The following GDF10 variants were observed in gnomAD, a reference collection of about 807,000 sequenced individuals.
The protein encoded by GDF10 is growth differentiation factor 10, also known as growth/differentiation factor 10.
GDF10 carries 23 observed loss-of-function variants against 32.1 expected under a neutral mutation model. That is an observed-to-expected ratio of 0.72 (90% confidence interval 0.52 to 1.02). GDF10 has a LOEUF of 1.02. Among genes scored for constraint, GDF10 ranks in the 50% least tolerant of loss-of-function variants. GDF10 has a pLI of 0.00. For missense variants in GDF10, 764 were observed against 673.9 expected, an observed-to-expected ratio of 1.13 and a Z score of -1.48; for synonymous variants, 328 against 303.1, an observed-to-expected ratio of 1.08 and a Z score of -0.85.
At position 47,310,572 on chromosome 10, in the gene GDF10, C is replaced by G; in HGVS notation, c.1096C>G (p.Arg366Gly). The change falls in exon 2 of 3, where the codon CGG becomes GGG. Residue 366 changes from arginine (R) to glycine (G), a missense_variant. Physicochemically the swap from Arg to Gly is moderately radical, Grantham distance 125 (BLOSUM62 -2). Transcript: ENST00000580279. ...TGACGAGAAGACGATGCAGAAAGCC[C>G]GGAGGAAGCAGTGGGATGAGCCGAG... ...DFDEKTMQKA[R>G]RKQWDEPRVC... is the part of the protein sequence containing the mutation. The G allele has an allele frequency of 6.2e-7, 1 of 1,614,194 alleles. No individual in the cohort carries two copies. The highest frequency in any genetic ancestry group is 1.1e-5 in the South Asian group (1 of 91,082).
chr10:47,311,306 A>C (rs2061045270), intron 2 of GDF10, among the ~76,000 whole-genome samples: 1 of 152,238 alleles, frequency 6.6e-6, no homozygotes, highest in Non-Finnish European at 1.5e-5. Flanking sequence ...CACCAGCCTA[A>C]GGATTTCCAG....
chr10:47,300,353 A>T lies in GDF10; in HGVS notation c.-299A>T. The T allele has an allele frequency of 3.3e-6, 1 of 305,190 alleles. No homozygotes were observed. Among genetic ancestry groups the T allele is most frequent in the African/African-American group, 2.2e-5 (1 of 45,834 alleles). The allele number at this position is 305,190 out of a possible 1,614,324, so 18.9% of individuals were successfully genotyped here. A position where few individuals can be genotyped will look rare whatever the true frequency, so the allele number is the denominator to read the frequency against. On this transcript the variant is annotated 5_prime_UTR_variant, in exon 1 of 3. Coordinates refer to ENST00000580279, the MANE Select transcript of GDF10 (RefSeq NM_004962.5). ...CGGGCCGGGCGCGCAGTGGGCTACA[A>T]ACTTTCGCGGCGCGAGTCCGCCAAG...
At position 47,312,594 on chromosome 10, in the gene GDF10, C is replaced by T; in HGVS notation, c.1246-7C>T. On this transcript the variant is annotated splice_region_variant and splice_polypyrimidine_tract_variant and intron_variant, in intron 2 of 2. Transcript: ENST00000580279. Reference sequence around the variant, plus strand: ...TGAGGTAACCCTACTCCTTTTCTGCCTTGCAGATCGTTCGTCCATCCAACC... The same window carrying T: ...TGAGGTAACCCTACTCCTTTTCTGCTTTGCAGATCGTTCGTCCATCCAACC... 2 of 1,570,504 alleles carry T rather than the reference C, an allele frequency of 1.3e-6. No homozygotes were observed. Among genetic ancestry groups the T allele is most frequent in the Non-Finnish European group, 1.7e-6 (2 of 1,156,012 alleles).
At position 47,310,024 on chromosome 10, in the gene GDF10, C is replaced by T. The variant is rs1431137528; in HGVS notation, c.548C>T (p.Thr183Ile). 1 of 1,608,346 alleles carries T rather than the reference C, an allele frequency of 6.2e-7. No individual in the cohort carries two copies. Among genetic ancestry groups the T allele is most frequent in the Non-Finnish European group, 8.5e-7 (1 of 1,177,534 alleles). ...LFRSLSQNTA[T>I]QGLLRGAMAL... ...CGCAGCCTCTCGCAGAACACGGCCA[C>T]ACAGGGGCTACTCCGCGGGGCCATG... The change falls in exon 2 of 3, where the codon ACA becomes ATA. Residue 183 changes from threonine to isoleucine, a missense_variant. Physicochemically the swap from Thr to Ile is moderately conservative, Grantham distance 89. Transcript: ENST00000580279.
At chr10:47,312,554 G>A in intron 2 of GDF10, 47 bp from the exon 3 acceptor site, 1 of 1,261,732 alleles carries the variant, frequency 7.9e-7, no homozygotes, top group Non-Finnish European at 1.1e-6. Flanking sequence ...GTGCGTGGGT[G>A]GGTGAGGGCG....
rs2132225552 is a variant in GDF10 at position 47,309,976 on chromosome 10, C to T, written c.500C>T (p.Pro167Leu). 6.2e-7 allele frequency: 1 copy of T among 1,611,642 alleles called. No individual in the cohort carries two copies. Among genetic ancestry groups the T allele is most frequent in the Non-Finnish European group, 8.5e-7 (1 of 1,179,086 alleles). Residue 167 changes from proline (P) to leucine (L), a missense_variant, in exon 2 of 3, where the codon CCC (proline) becomes CTC (leucine). Physicochemically the swap from Pro to Leu is moderately conservative, Grantham distance 98 (BLOSUM62 -3). Transcript: ENST00000580279. The stretch of plus-strand genomic sequence containing the variant: ...GGCCGCCCGCTGCCCCTGGGCCCGC[C>T]CACACGCCAGCACCTGCTCTTCCGC... ...ASGRPLPLGP[P>L]TRQHLLFRSL...
At chr10:47,304,707 T>C (rs1938734542) in intron 1 of GDF10, among the ~76,000 whole-genome samples, 1 of 152,246 alleles carries the variant, frequency 6.6e-6, no homozygotes, top group Non-Finnish European at 1.5e-5. Flanking sequence ...GTGAGATATA[T>C]GTGGATACAT....
chr10:47,304,914 A>G (rs1555207086), intron 1 of GDF10, among the ~76,000 whole-genome samples: 5 of 152,236 alleles, frequency 3.3e-5, no homozygotes, highest in Non-Finnish European at 7.3e-5. Flanking sequence ...TTACACAGTA[A>G]GGATCTTAAC....
In GDF10 at chr10:47,300,884, A is replaced by G. The variant is rs1359732003; in HGVS notation, c.233A>G (p.His78Arg). The change falls in exon 1 of 3, where the codon CAC becomes CGC. Residue 78 changes from histidine to arginine, a missense_variant. Coordinates refer to ENST00000580279, the MANE Select transcript of GDF10 (RefSeq NM_004962.5). ...GPSAQDMVAV[H>R]MHRLYEKYSR... The stretch of plus-strand genomic sequence containing the variant: ...AGCGCCCAGGACATGGTCGCTGTCC[A>G]CATGCACAGGCTCTATGAGAAGTAC... 6.3e-7 allele frequency: 1 copy of G among 1,588,942 alleles called. No individual in the cohort carries two copies.
At chr10:47,304,599 T>C (rs1184364019) in intron 1 of GDF10, among the ~76,000 whole-genome samples, 3 of 152,080 alleles carry the variant, frequency 2.0e-5, no homozygotes, top group African/African-American at 7.2e-5. Flanking sequence ...CAGCCATATC[T>C]ATCTATCTAT....
At chr10:47,302,708 A>C (rs1365159092) in intron 1 of GDF10, among the ~76,000 whole-genome samples, 1 of 152,152 alleles carries the variant, frequency 6.6e-6, no homozygotes, top group Non-Finnish European at 1.5e-5. Flanking sequence ...AGGGGTTGGC[A>C]ACTCCCATCT....
chr10:47,300,695 A>AGCTGCT lies in GDF10; in HGVS notation c.59_64dup (p.Leu20_Leu21dup), dbSNP rs34420310. The AGCTGCT allele has an allele frequency of 8.1e-6, 13 of 1,600,384 alleles. No homozygotes were observed. Among genetic ancestry groups the AGCTGCT allele is most frequent in the Middle Eastern group, 1.7e-4 (1 of 5,916 alleles). ...CGGACCAGCCCGGGACCCGGGCCCC[A>AGCTGCT]GCTGCTGCTGCTGCTGCTGCCGTTG... is the stretch of plus-strand genomic sequence containing the variant. On this transcript the variant is annotated inframe_insertion, in exon 1 of 3. Coordinates refer to ENST00000580279, the MANE Select transcript of GDF10 (RefSeq NM_004962.5).
At position 47,312,769 on chromosome 10, in the gene GDF10, G is replaced by A. The variant is rs782678824; in HGVS notation, c.1414G>A (p.Val472Met). The A allele has an allele frequency of 5.0e-6, 8 of 1,591,286 alleles. No individual in the cohort carries two copies. The highest frequency in any genetic ancestry group is 1.3e-5 in the African/African-American group (1 of 74,468). Residue 472 changes from valine to methionine, a missense_variant, in exon 3 of 3, where the codon GTG becomes ATG. Coordinates refer to ENST00000580279, the MANE Select transcript of GDF10 (RefSeq NM_004962.5). ...VVLKVYPNMS[V>M]DTCACR is the part of the protein sequence containing the mutation. ...TCTGAAGGTGTACCCCAACATGTCC[G>A]TGGACACCTGTGCCTGCCGGTGAGA...
Position 47,310,066 on chromosome 10 carries a change from C to T in GDF10, c.590C>T (p.Pro197Leu), listed in dbSNP as rs782613950. The stretch of plus-strand genomic sequence containing the variant: ...GGGGCCATGGCCCTGGCGCCCCCAC[C>T]GCGCGGCCTGTGGCAGGCCAAGGAC... ...LRGAMALAPP[P>L]RGLWQAKDIS... is the part of the protein sequence containing the mutation. The change falls in exon 2 of 3, where the codon CCG becomes CTG. Residue 197 changes from proline to leucine, a missense_variant. Coordinates refer to ENST00000580279, the MANE Select transcript of GDF10 (RefSeq NM_004962.5). 12 of 1,605,776 alleles carry T rather than the reference C, an allele frequency of 7.5e-6. No homozygotes were observed. In the Admixed American group the frequency reaches 8.4e-5, roughly 11 times the overall value.
chr10:47,304,401 G>GAGGGAGGAAGAGGGGAGACTGC (rs2061015616), intron 1 of GDF10, among the ~76,000 whole-genome samples: 1 of 151,220 alleles, frequency 6.6e-6, no homozygotes, highest in Admixed American at 6.6e-5. Context: ...GAGGGAGAGA[G>GAGGGAGGAAGAGGGGAGACTGC]AGGGAGGAAG....
chr10:47,303,828 T>A (rs1280234381), intron 1 of GDF10, among the ~76,000 whole-genome samples: 4 of 152,242 alleles, frequency 2.6e-5, no homozygotes, highest in African/African-American at 9.6e-5. Context: ...CATACTCACC[T>A]GTCAAAAATG....
chr10:47,305,930 G>A (rs1555207185), intron 1 of GDF10, among the ~76,000 whole-genome samples: 2 of 152,206 alleles, frequency 1.3e-5, no homozygotes, highest in East Asian at 3.9e-4. Context: ...GCAGTTCACA[G>A]CACATGATCT....
chr10:47,303,346 G>A (rs370714436), intron 1 of GDF10, among the ~76,000 whole-genome samples: 4 of 152,232 alleles, frequency 2.6e-5, no homozygotes, highest in East Asian at 3.9e-4. Flanking sequence ...TACCTCCCCC[G>A]CCACCGGGCA....
Position 47,312,604 on chromosome 10 carries a change from G to A in GDF10, c.1249G>A (p.Val417Ile), listed in dbSNP as rs201137861. Residue 417 changes from valine to isoleucine, a missense_variant, in exon 3 of 3, where the codon GTT becomes ATT. Val to Ile is a conservative substitution (Grantham distance 29). Transcript: ENST00000580279. ...GACEFPMPKI[V>I]RPSNHATIQS... ...CTACTCCTTTTCTGCCTTGCAGATC[G>A]TTCGTCCATCCAACCATGCCACCAT... The A allele has an allele frequency of 6.3e-5, 99 of 1,579,218 alleles. 1 individual carries two copies. The highest frequency in any genetic ancestry group is 1.8e-4 in the Admixed American group (10 of 56,454).
Sources: allele counts gnomAD v4.1 joint callset (sites outside exome capture counted in the v4.1 genomes callset), GRCh38; gene constraint gnomAD v4.1.1; transcripts MANE v1.5; gene names NCBI Gene and HGNC (gene_info 2026-07-23, HGNC 2026-07-21).